MAPK4: variants seen among roughly 807,000 people sequenced by gnomAD.
The protein encoded by MAPK4 is mitogen-activated protein kinase 4.
MAPK4 carries 22 observed loss-of-function variants against 47.7 expected under a neutral mutation model. The observed-to-expected ratio is 0.46, with a 90% CI of 0.33 to 0.66. The LOEUF (loss-of-function observed/expected upper bound fraction) is 0.66. Ranked by LOEUF, MAPK4 falls within the 30% of genes least tolerant of loss-of-function variation. The probability of loss-of-function intolerance (pLI) is 0.02; values close to 1 mark genes in which losing one functional copy is unlikely to be tolerated. For missense variants in MAPK4, 736 were observed against 831.7 expected (o/e 0.88, Z 1.42); for synonymous variants, 390 against 365.7 (o/e 1.07, Z -0.76).
At chr18:50,667,415 G>A (rs761613632) in intron 2 of MAPK4, among the ~76,000 whole-genome samples, 26 of 152,318 alleles carry the variant, frequency 1.7e-4, no homozygotes, top group Admixed American at 6.5e-5. Flanking sequence ...GGTTGGAAGG[G>A]TTGACTCTCA....
At chr18:50,606,524 G>C (rs751475246) in intron 1 of MAPK4, among the ~76,000 whole-genome samples, 95 of 152,276 alleles carry the variant, frequency 6.2e-4, no homozygotes, top group Middle Eastern at 3.4e-3. Context: ...GTGGTCTTCA[G>C]TGCTATCTAC....
At chr18:50,598,825 G>A (rs2042508401) in intron 1 of MAPK4, among the ~76,000 whole-genome samples, 1 of 152,146 alleles carries the variant, frequency 6.6e-6, no homozygotes, top group Non-Finnish European at 1.5e-5. Flanking sequence ...TGTCCCTGAA[G>A]CTAGGTTTGT....
At chr18:50,606,070 G>T in intron 1 of MAPK4, among the ~76,000 whole-genome samples, 1 of 151,886 alleles carries the variant, frequency 6.6e-6, no homozygotes, top group South Asian at 2.1e-4. Flanking sequence ...GGCGGGGGCG[G>T]GGGTGGCAGA....
intron 2 of MAPK4, among the ~76,000 whole-genome samples, chr18:50,697,276 G>A (rs1028357607): frequency 2.0e-5 from 3 of 152,182 alleles, no homozygotes; most frequent in African/African-American, 7.2e-5. Flanking sequence ...TTACTCATCT[G>A]TAAAATAGGA....
At chr18:50,646,503 T>A (rs2042990660) in intron 1 of MAPK4, among the ~76,000 whole-genome samples, 1 of 152,066 alleles carries the variant, frequency 6.6e-6, no homozygotes, top group Admixed American at 6.5e-5. Context: ...TGGAGCAGAG[T>A]GGCACCAAGC....
chr18:50,698,998 C>G (rs1909647220), intron 2 of MAPK4, among the ~76,000 whole-genome samples: 1 of 151,930 alleles, frequency 6.6e-6, no homozygotes, highest in Admixed American at 6.6e-5. Context: ...GCACTCCAGC[C>G]TGGGCAACAG....
chr18:50,586,667 G>A (rs11082831), intron 1 of MAPK4, among the ~76,000 whole-genome samples: 62,005 of 151,704 alleles, frequency 0.41, 13,674 homozygotes, highest in Non-Finnish European at 0.49. Context: ...CTCATGGTAA[G>A]CTCCGAGTGT....
intron 4 of MAPK4, among the ~76,000 whole-genome samples, chr18:50,722,449 G>C (rs1366477067): frequency 1.3e-5 from 2 of 152,322 alleles, no homozygotes; most frequent in Non-Finnish European, 1.5e-5. Flanking sequence ...CTCAGCCTGA[G>C]GGCAAGACCC....
intron 2 of MAPK4, among the ~76,000 whole-genome samples, chr18:50,704,136 G>A (rs1909927421): frequency 6.6e-6 from 1 of 152,102 alleles, no homozygotes; most frequent in Non-Finnish European, 1.5e-5. Flanking sequence ...CACGCCATCT[G>A]TATAATGAGT....
intron 2 of MAPK4, among the ~76,000 whole-genome samples, chr18:50,684,108 G>A (rs1469358656): frequency 6.6e-6 from 1 of 152,182 alleles, no homozygotes; most frequent in Non-Finnish European, 1.5e-5. Context: ...AAGGGAAGTC[G>A]GAGTAGAGAG....
At chr18:50,691,557 A>G (rs1909218235) in intron 2 of MAPK4, among the ~76,000 whole-genome samples, 1 of 152,194 alleles carries the variant, frequency 6.6e-6, no homozygotes, top group African/African-American at 2.4e-5. Context: ...TATTGTGTAT[A>G]CCTACTCTGT....
At chr18:50,634,212 C>T (rs1364420247) in intron 1 of MAPK4, among the ~76,000 whole-genome samples, 1 of 152,052 alleles carries the variant, frequency 6.6e-6, no homozygotes, top group African/African-American at 2.4e-5. Context: ...TGGTTCTGCT[C>T]CTGAAAGGGG....
chr18:50,578,175 A>T (rs968267642), intron 1 of MAPK4, among the ~76,000 whole-genome samples: 3 of 152,226 alleles, frequency 2.0e-5, no homozygotes, highest in Non-Finnish European at 4.4e-5. Flanking sequence ...TCTGGCCCCC[A>T]GGTGAATGCA....
At chr18:50,710,479 T>C (rs1910291448) in intron 2 of MAPK4, among the ~76,000 whole-genome samples, 1 of 151,128 alleles carries the variant, frequency 6.6e-6, no homozygotes, top group Admixed American at 6.6e-5. Context: ...CGAGACCCTA[T>C]CTCAAATAAA....
At chr18:50,645,055 C>A (rs545258946) in intron 1 of MAPK4, among the ~76,000 whole-genome samples, 2 of 152,152 alleles carry the variant, frequency 1.3e-5, no homozygotes, top group African/African-American at 4.8e-5. Flanking sequence ...GAAGGAGAGG[C>A]CTGCAGGCCA....
chr18:50,637,861 C>A (rs141288911), intron 1 of MAPK4, among the ~76,000 whole-genome samples: 1 of 152,180 alleles, frequency 6.6e-6, no homozygotes, highest in Non-Finnish European at 1.5e-5. Flanking sequence ...CTTATAAGGA[C>A]GTCTGTCATA....
At chr18:50,641,360 TGTGTTTAAAGGTGCTTTG>T (rs1211435765) in intron 1 of MAPK4, among the ~76,000 whole-genome samples, 1 of 147,018 alleles carries the variant, frequency 6.8e-6, no homozygotes, top group African/African-American at 2.7e-5. Context: ...GATTTTAAAT[TGTGTTTAAAGGTGCTTTG>T]GTGTTTTATA....
chr18:50,647,955 C>A (rs2043006233), intron 1 of MAPK4, among the ~76,000 whole-genome samples: 1 of 152,102 alleles, frequency 6.6e-6, no homozygotes, highest in Non-Finnish European at 1.5e-5. Context: ...CCATTCCCAC[C>A]CCTGCATCAT....
At chr18:50,660,565 T>G (rs987861898) in intron 1 of MAPK4, among the ~76,000 whole-genome samples, 1 of 152,186 alleles carries the variant, frequency 6.6e-6, no homozygotes, top group Non-Finnish European at 1.5e-5. Flanking sequence ...GAGATGGACA[T>G]GTACAAAAAG....
Sources: gnomAD v4.1 joint callset for allele counts (sites outside exome capture counted in the v4.1 genomes callset) on GRCh38, gnomAD v4.1.1 for gene constraint, MANE v1.5 for transcripts, NCBI Gene and HGNC (gene_info 2026-07-23, HGNC 2026-07-21) for gene names.